Variants in TRPM3 observed in about 807,000 individuals in gnomAD.
TRPM3 encodes long transient receptor potential channel 3.
Under a neutral mutation model 181.2 loss-of-function variants are expected in TRPM3, and 77 were observed. The ratio of observed to expected loss-of-function variants is 0.42; its 90% CI spans 0.35 to 0.51. The LOEUF is 0.51. TRPM3 is among the 20% of genes least tolerant of loss of function. The probability of loss-of-function intolerance (pLI) is 0.01; values close to 1 mark genes in which losing one functional copy is unlikely to be tolerated. For synonymous variants in TRPM3, 745 were observed against 796.4 expected (o/e 0.94, Z 1.09); for missense variants, 1,759 against 2,196.7 (o/e 0.80, Z 3.98).
At position 71,418,624 on chromosome 9, in the gene TRPM3, A is replaced by T. The variant is rs181083408; in HGVS notation, c.183+28029T>A. ...GGTCCTGAGCAGTCAGGAAATAATC[A>T]ATCATCACTAGTGATATCAGAAAAG... On this transcript the variant is annotated intron_variant, in intron 1 of 24. Transcript: ENST00000357533. 2.7e-3 allele frequency among the ~76,000 whole-genome samples: 406 copies of T among 151,718 alleles called. 3 individuals carry two copies. Among genetic ancestry groups the T allele is most frequent in the African/African-American group, 9.1e-3 (379 of 41,426 alleles).
At chr9:71,352,444 T>C (rs752867927) in intron 1 of TRPM3, among the ~76,000 whole-genome samples, 5 of 152,198 alleles carry the variant, frequency 3.3e-5, no homozygotes, top group East Asian at 1.9e-4. Flanking sequence ...AAAATGATGA[T>C]TCTCTGTTTA....
intron 1 of TRPM3, among the ~76,000 whole-genome samples, chr9:71,442,557 T>C (rs904637556): frequency 3.3e-5 from 5 of 152,230 alleles, no homozygotes; most frequent in African/African-American, 1.2e-4. Flanking sequence ...TGGTAAATTG[T>C]ACATGTATAT....
At chr9:70,770,485 C>T (rs536522914) in intron 7 of TRPM3, among the ~76,000 whole-genome samples, 2 of 152,288 alleles carry the variant, frequency 1.3e-5, no homozygotes, top group African/African-American at 4.8e-5. Flanking sequence ...AAAACCAACA[C>T]AACATACATC....
At chr9:70,825,330 A>G (rs895214233) in intron 6 of TRPM3, 22 of 152,144 alleles carry the variant, frequency 1.4e-4, no homozygotes, top group African/African-American at 5.3e-4. Flanking sequence ...TTGGGCTTTT[A>G]TAACTCTCCT....
At chr9:70,758,589 G>A (rs1718252155) in intron 8 of TRPM3, among the ~76,000 whole-genome samples, 2 of 152,150 alleles carry the variant, frequency 1.3e-5, no homozygotes, top group Admixed American at 6.6e-5. Flanking sequence ...TATACTGGGA[G>A]GCTACAGTAA....
chr9:71,027,200 C>T (rs2056667917), intron 1 of TRPM3, among the ~76,000 whole-genome samples: 1 of 152,144 alleles, frequency 6.6e-6, no homozygotes, highest in South Asian at 2.1e-4. Flanking sequence ...TCTAGGAGCC[C>T]TGAGCTGAGC....
chr9:70,908,943 T>C (rs13440009), intron 1 of TRPM3, among the ~76,000 whole-genome samples: 9,127 of 152,242 alleles, frequency 0.06, 493 homozygotes, highest in African/African-American at 0.15. Context: ...CCGCATCTTA[T>C]GCCATCAAAT....
chr9:70,614,197 G>T (rs2062407792), intron 18 of TRPM3, among the ~76,000 whole-genome samples: 1 of 151,580 alleles, frequency 6.6e-6, no homozygotes, highest in African/African-American at 2.4e-5. Flanking sequence ...TTCCTCATTT[G>T]TAAAATGGGG....
intron 1 of TRPM3, among the ~76,000 whole-genome samples, chr9:71,079,892 CAGGCA>C (rs2063990236): frequency 2.0e-5 from 3 of 152,148 alleles, no homozygotes; most frequent in Non-Finnish European, 4.4e-5. Flanking sequence ...ATCTTTGAGC[CAGGCA>C]TGGTGGCACA....
At chr9:70,932,645 TGA>T (rs1179468303) in intron 1 of TRPM3, among the ~76,000 whole-genome samples, 1 of 152,154 alleles carries the variant, frequency 6.6e-6, no homozygotes, top group Non-Finnish European at 1.5e-5. Context: ...ATTGACAGGC[TGA>T]GAGAAACAGC....
At chr9:71,437,043 C>G (rs2094052130) in intron 1 of TRPM3, among the ~76,000 whole-genome samples, 1 of 152,298 alleles carries the variant, frequency 6.6e-6, no homozygotes, top group East Asian at 1.9e-4. Flanking sequence ...TAACTGAATA[C>G]AATGCCCCAA....
At chr9:70,593,337 CCT>C (rs1001913438) in intron 21 of TRPM3, among the ~76,000 whole-genome samples, 5 of 152,088 alleles carry the variant, frequency 3.3e-5, no homozygotes, top group Admixed American at 1.3e-4. Context: ...TGTTTTTCAT[CCT>C]CTCTCTTATT....
At chr9:71,103,721 C>T (rs2068853130) in intron 1 of TRPM3, among the ~76,000 whole-genome samples, 1 of 152,140 alleles carries the variant, frequency 6.6e-6, no homozygotes. Context: ...AGGATAACCA[C>T]AATTACATAC....
intron 1 of TRPM3, among the ~76,000 whole-genome samples, chr9:71,282,262 AAGAAAG>A (rs1190228092): frequency 1.8e-5 from 2 of 113,568 alleles, no homozygotes; most frequent in African/African-American, 3.5e-5. Flanking sequence ...AAAGAAAGGA[AAGAAAG>A]AGAGAAAGAA....
At chr9:70,607,316 C>G (rs1332669404) in intron 19 of TRPM3, among the ~76,000 whole-genome samples, 2 of 152,206 alleles carry the variant, frequency 1.3e-5, no homozygotes, top group African/African-American at 4.8e-5. Flanking sequence ...GACCTTCAAT[C>G]TGAAATTGAA....
intron 7 of TRPM3, among the ~76,000 whole-genome samples, chr9:70,769,540 A>T (rs1291942033): frequency 6.6e-6 from 1 of 152,118 alleles, no homozygotes; most frequent in East Asian, 1.9e-4. Context: ...AAGACATGCT[A>T]AAAAATTCAC....
chr9:70,687,380 T>C, intron 8 of TRPM3, among the ~76,000 whole-genome samples: 1 of 152,194 alleles, frequency 6.6e-6, no homozygotes, highest in East Asian at 1.9e-4. Flanking sequence ...AATCATTTTG[T>C]AGGTGATTTA....
chr9:70,963,313 T>TC (rs2097155309), intron 1 of TRPM3, among the ~76,000 whole-genome samples: 1 of 152,204 alleles, frequency 6.6e-6, no homozygotes, highest in African/African-American at 2.4e-5. Flanking sequence ...ACATCATTTC[T>TC]CCCATTTTAC....
chr9:71,151,923 C>T (rs949388778), intron 1 of TRPM3, among the ~76,000 whole-genome samples: 1 of 152,124 alleles, frequency 6.6e-6, no homozygotes, highest in Non-Finnish European at 1.5e-5. Flanking sequence ...TTTACTTCAA[C>T]TATCTGCCAT....
Sources: gnomAD v4.1 joint callset for allele counts (sites outside exome capture counted in the v4.1 genomes callset) on GRCh38, gnomAD v4.1.1 for gene constraint, MANE v1.5 for transcripts, NCBI Gene and HGNC (gene_info 2026-07-23, HGNC 2026-07-21) for gene names.